The following DCDC1 variants were observed in gnomAD, a reference collection of about 807,000 sequenced individuals.
DCDC1 encodes doublecortin domain containing 1.
DCDC1 carries 200 observed loss-of-function variants against 178.3 expected under a neutral mutation model. That is an observed-to-expected ratio of 1.12 (90% CI 1.00 to 1.26). The LOEUF is 1.26. DCDC1 is among the 50% of genes most tolerant of loss of function. DCDC1 has a pLI of 0.00. For synonymous variants in DCDC1, 690 were observed against 604.8 expected (o/e 1.14, Z -2.07); for missense variants, 1,983 against 1,749.2 (o/e 1.13, Z -2.38).
intron 20 of DCDC1, among the ~76,000 whole-genome samples, chr11:31,054,573 T>C (rs1457394340): frequency 6.6e-6 from 1 of 152,148 alleles, no homozygotes; most frequent in African/African-American, 2.4e-5. Context: ...GGCATCACAC[T>C]GACTGTAAAC....
rs149459019 is a variant in DCDC1 at position 31,098,659 on chromosome 11, G to C, written c.1983+3518C>G. Among the ~76,000 whole-genome samples the C allele has an allele frequency of 1.7e-3, 266 of 152,270 alleles. 3 individuals carry two copies. The highest frequency in any genetic ancestry group is 5.9e-3 in the African/African-American group (245 of 41,558). On this transcript the variant is annotated intron_variant, in intron 15 of 38. Coordinates refer to ENST00000684477, the MANE Select transcript of DCDC1 (RefSeq NM_001387274.1). ...TGTTCTCTACCCCAATGAGCAGCAA[G>C]ATTCTACAATAAAATGCCCTATAGA...
At position 31,098,428 on chromosome 11, in the gene DCDC1, TATATCTG is replaced by T. The variant is rs1445298449; in HGVS notation, c.1983+3742_1983+3748del. ...AGCAACAGGTTGTAATTGTCAGGGT[TATATCTG>T]ACTCCCACATTACAAATGGGGATTA... On this transcript the variant is annotated intron_variant, in intron 15 of 38. Coordinates refer to ENST00000684477, the MANE Select transcript of DCDC1 (RefSeq NM_001387274.1). Among the ~76,000 whole-genome samples, 11 of 152,350 alleles carry T rather than the reference TATATCTG, an allele frequency of 7.2e-5. 1 individual carries two copies. The highest frequency in any genetic ancestry group is 1.5e-4 in the Non-Finnish European group (10 of 68,018).
At chr11:31,151,228 T>G (rs1355276710) in intron 9 of DCDC1, among the ~76,000 whole-genome samples, 1 of 152,246 alleles carries the variant, frequency 6.6e-6, no homozygotes, top group East Asian at 1.9e-4. Flanking sequence ...TTATGATTTT[T>G]AATTTTGTCT....
At chr11:31,107,929 T>C (rs1958958492) in intron 12 of DCDC1, among the ~76,000 whole-genome samples, 1 of 152,192 alleles carries the variant, frequency 6.6e-6, no homozygotes, top group Non-Finnish European at 1.5e-5. Context: ...TGGTCTTTTC[T>C]GGCCTAACTG....
intron 17 of DCDC1, among the ~76,000 whole-genome samples, chr11:31,086,461 G>A (rs1471069887): frequency 6.6e-6 from 1 of 152,088 alleles, no homozygotes; most frequent in East Asian, 1.9e-4. Flanking sequence ...AAATATATAT[G>A]ACTTGCAAAT....
chr11:31,039,222 G>C (rs1954278961), intron 20 of DCDC1, among the ~76,000 whole-genome samples: 1 of 152,054 alleles, frequency 6.6e-6, no homozygotes, highest in African/African-American at 2.4e-5. Flanking sequence ...ACACATTAGA[G>C]GTTTTTGTTT....
At chr11:31,200,266 C>G (rs907738179) in intron 9 of DCDC1, among the ~76,000 whole-genome samples, 3 of 152,036 alleles carry the variant, frequency 2.0e-5, no homozygotes, top group African/African-American at 7.2e-5. Flanking sequence ...AAGGAATTCT[C>G]TTCAGGATTG....
At chr11:30,993,967 A>G (rs568579794) in intron 20 of DCDC1, among the ~76,000 whole-genome samples, 2 of 152,288 alleles carry the variant, frequency 1.3e-5, no homozygotes, top group South Asian at 4.1e-4. Flanking sequence ...GCATTATCCC[A>G]ATATTAAACC....
chr11:31,114,088 C>T (rs1041685240), intron 11 of DCDC1, among the ~76,000 whole-genome samples: 12 of 152,126 alleles, frequency 7.9e-5, no homozygotes, highest in African/African-American at 2.9e-4. Flanking sequence ...TCTTTCCATA[C>T]CAAAATGGCT....
intron 9 of DCDC1, among the ~76,000 whole-genome samples, chr11:31,150,032 T>C (rs1331948967): frequency 1.3e-5 from 2 of 152,228 alleles, no homozygotes; most frequent in African/African-American, 2.4e-5. Flanking sequence ...GGTGTACTAA[T>C]TTACATTCCC....
intron 20 of DCDC1, among the ~76,000 whole-genome samples, chr11:31,009,436 CTT>C (rs1427065398): frequency 8.6e-6 from 1 of 115,810 alleles, no homozygotes; most frequent in Admixed American, 9.7e-5. Flanking sequence ...CTCACAGTTT[CTT>C]TGTGTGTGTG....
At chr11:31,272,947 C>A (rs934631543) in intron 7 of DCDC1, among the ~76,000 whole-genome samples, 2 of 152,220 alleles carry the variant, frequency 1.3e-5, no homozygotes, top group Admixed American at 6.5e-5. Context: ...AGGCTTGGGG[C>A]TTGCACCCTC....
At chr11:30,940,693 C>G (rs1947584893) in intron 21 of DCDC1, among the ~76,000 whole-genome samples, 1 of 152,056 alleles carries the variant, frequency 6.6e-6, no homozygotes, top group Non-Finnish European at 1.5e-5. Context: ...TTTCAAAGAA[C>G]CTAAATTTGA....
At chr11:31,207,384 C>A (rs1971980157) in intron 9 of DCDC1, among the ~76,000 whole-genome samples, 1 of 152,100 alleles carries the variant, frequency 6.6e-6, no homozygotes, top group Non-Finnish European at 1.5e-5. Flanking sequence ...CCATGTGTGT[C>A]TTCTTTGATG....
At chr11:31,347,368 A>G (rs961685955) in intron 1 of DCDC1, among the ~76,000 whole-genome samples, 6 of 152,184 alleles carry the variant, frequency 3.9e-5, no homozygotes, top group African/African-American at 1.4e-4. Flanking sequence ...TGATCAATGC[A>G]TTAGTTCAAA....
At chr11:31,134,562 T>C (rs536223568) in intron 10 of DCDC1, among the ~76,000 whole-genome samples, 5 of 152,362 alleles carry the variant, frequency 3.3e-5, no homozygotes, top group African/African-American at 1.2e-4. Flanking sequence ...CCTTATCCAG[T>C]GCTCTCTCCA....
chr11:31,008,062 A>G (rs1951958543), intron 20 of DCDC1, among the ~76,000 whole-genome samples: 1 of 152,134 alleles, frequency 6.6e-6, no homozygotes, highest in Non-Finnish European at 1.5e-5. Context: ...CTCCTCTCCT[A>G]AGAGGGATGA....
intron 9 of DCDC1, among the ~76,000 whole-genome samples, chr11:31,236,920 T>C (rs909098493): frequency 1.3e-5 from 2 of 151,866 alleles, no homozygotes; most frequent in Admixed American, 6.6e-5. Flanking sequence ...ATACAGAAAA[T>C]GAAATAGAGA....
Position 31,305,650 on chromosome 11 carries a change from C to A in DCDC1, c.719G>T (p.Gly240Val). 1 of 1,613,764 alleles carries A rather than the reference C, an allele frequency of 6.2e-7. No homozygotes were observed. The highest frequency in any genetic ancestry group is 1.1e-5 in the South Asian group (1 of 91,058). The change falls in exon 6 of 39, where the codon GGA becomes GTA. Residue 240 changes from glycine (G) to valine (V), a missense_variant. Coordinates refer to ENST00000684477, the MANE Select transcript of DCDC1 (RefSeq NM_001387274.1). ...PHEADVYVST[G>V]EPFLNPFKKI... The stretch of plus-strand genomic sequence containing the variant: ...TTTGAATGGATTTAAAAAGGGCTCT[C>A]CCGTTGAAACATAAACATCGGCTTC...
Sources: allele counts gnomAD v4.1 joint callset (sites outside exome capture counted in the v4.1 genomes callset), GRCh38; gene constraint gnomAD v4.1.1; transcripts MANE v1.5; gene names NCBI Gene and HGNC (gene_info 2026-07-23, HGNC 2026-07-21).